SYN3: variants seen among roughly 807,000 people sequenced by gnomAD.
SYN3 encodes the protein synapsin-3.
In SYN3, 35 loss-of-function variants were observed where a neutral mutation model predicts 65.8. The observed-to-expected ratio is 0.53, with a 90% CI of 0.41 to 0.70. The LOEUF (loss-of-function observed/expected upper bound fraction) is 0.70. Ranked by LOEUF, SYN3 falls within the 30% of genes least tolerant of loss-of-function variation. The pLI is 0.00. For synonymous variants in SYN3, 270 were observed against 292.9 expected (o/e 0.92, Z 0.80); for missense variants, 680 against 749.0 (o/e 0.91, Z 1.08).
chr22:32,944,549 T>C (rs1490957523), intron 3 of SYN3, among the ~76,000 whole-genome samples: 1 of 152,132 alleles, frequency 6.6e-6, no homozygotes, highest in Non-Finnish European at 1.5e-5. Flanking sequence ...TATCTCAAAA[T>C]AATAAGAGCT....
At chr22:32,630,174 G>A (rs1302780572) in intron 6 of SYN3, among the ~76,000 whole-genome samples, 1 of 151,906 alleles carries the variant, frequency 6.6e-6, no homozygotes, top group Non-Finnish European at 1.5e-5. Context: ...AGTAGAGACG[G>A]GGTTTCACCA....
intron 1 of SYN3, among the ~76,000 whole-genome samples, chr22:33,050,842 C>T (rs2054153620): frequency 6.6e-6 from 1 of 152,210 alleles, no homozygotes; most frequent in African/African-American, 2.4e-5. Flanking sequence ...TTGATTTGCA[C>T]ATCTGCAGAG....
intron 6 of SYN3, among the ~76,000 whole-genome samples, chr22:32,615,811 G>A (rs1366381126): frequency 2.0e-5 from 3 of 152,222 alleles, no homozygotes; most frequent in Non-Finnish European, 2.9e-5. Flanking sequence ...TTTGGGGCTC[G>A]TTCACAGCAC....
intron 6 of SYN3, among the ~76,000 whole-genome samples, chr22:32,663,459 C>T (rs781132771): frequency 2.5e-4 from 38 of 152,124 alleles, no homozygotes; most frequent in African/African-American, 1.4e-4. Flanking sequence ...CCACCACGCC[C>T]GGCTAATTTT....
intron 6 of SYN3, among the ~76,000 whole-genome samples, chr22:32,833,273 G>A (rs1411190881): frequency 6.6e-6 from 1 of 152,178 alleles, no homozygotes; most frequent in African/African-American, 2.4e-5. Flanking sequence ...GTCATAAGCA[G>A]GGAGAGACCA....
intron 4 of SYN3, among the ~76,000 whole-genome samples, chr22:32,920,243 C>T (rs545894416): frequency 6.6e-6 from 1 of 152,330 alleles, no homozygotes; most frequent in African/African-American, 2.4e-5. Flanking sequence ...GTCTCATTAA[C>T]GTCTGCCTCC....
intron 6 of SYN3, among the ~76,000 whole-genome samples, chr22:32,732,252 A>C (rs2061280688): frequency 2.6e-5 from 4 of 152,220 alleles, no homozygotes; most frequent in African/African-American, 9.6e-5. Flanking sequence ...CTTCATCCCC[A>C]GCACTTAGGA....
At chr22:32,715,636 C>T (rs141144549) in intron 6 of SYN3, among the ~76,000 whole-genome samples, 96 of 151,976 alleles carry the variant, frequency 6.3e-4, no homozygotes, top group African/African-American at 2.1e-3. Context: ...AAATATTAGC[C>T]AAGCATGGTG....
At chr22:32,643,259 T>C (rs1186638355) in intron 6 of SYN3, among the ~76,000 whole-genome samples, 1 of 152,038 alleles carries the variant, frequency 6.6e-6, no homozygotes. Context: ...TTTGTATTTT[T>C]AGTAGAGATG....
intron 6 of SYN3, among the ~76,000 whole-genome samples, chr22:32,692,863 G>A (rs2060684677): frequency 6.6e-6 from 1 of 152,144 alleles, no homozygotes; most frequent in Admixed American, 6.6e-5. Context: ...TCGGCATAAA[G>A]TGAAGAACAG....
At chr22:32,988,288 A>G (rs370879773) in intron 2 of SYN3, among the ~76,000 whole-genome samples, 3 of 148,830 alleles carry the variant, frequency 2.0e-5, no homozygotes, top group Admixed American at 6.9e-5. Flanking sequence ...GTCTGGCAAC[A>G]GAGCAAGACT....
intron 3 of SYN3, among the ~76,000 whole-genome samples, chr22:32,944,374 C>A (rs2051038294): frequency 6.6e-6 from 1 of 152,174 alleles, no homozygotes; most frequent in South Asian, 2.1e-4. Context: ...TCCCTGGTTG[C>A]AAGGCTGGTT....
chr22:32,761,367 C>A (rs1212511509), intron 6 of SYN3, among the ~76,000 whole-genome samples: 2 of 152,156 alleles, frequency 1.3e-5, no homozygotes, highest in Non-Finnish European at 2.9e-5. Context: ...CCGATAGAAG[C>A]CATGCGCGTG....
chr22:32,674,049 G>A (rs993064584), intron 6 of SYN3, among the ~76,000 whole-genome samples: 1 of 152,126 alleles, frequency 6.6e-6, no homozygotes, highest in South Asian at 2.1e-4. Flanking sequence ...GAGATGGCAA[G>A]GGTGAGAGTG....
At chr22:32,573,682 C>A (rs2710353) in intron 7 of SYN3, among the ~76,000 whole-genome samples, 2,957 of 151,510 alleles carry the variant, frequency 0.02, 96 homozygotes, top group African/African-American at 0.068. Flanking sequence ...GAGGACACAG[C>A]AGCCCCCGAG....
intron 6 of SYN3, among the ~76,000 whole-genome samples, chr22:32,693,316 T>C (rs12159474): frequency 0.033 from 4,998 of 152,268 alleles, 257 homozygotes; most frequent in African/African-American, 0.11. Context: ...AGGCAGGTAG[T>C]GTAGAGAGCG....
At chr22:32,993,502 C>T (rs1479592528) in intron 2 of SYN3, among the ~76,000 whole-genome samples, 18 of 152,152 alleles carry the variant, frequency 1.2e-4, no homozygotes, top group African/African-American at 3.6e-4. Flanking sequence ...GCCGCCACCA[C>T]GCCCTGCTAA....
intron 6 of SYN3, among the ~76,000 whole-genome samples, chr22:32,650,475 C>T (rs190094508): frequency 1.3e-4 from 20 of 151,970 alleles, no homozygotes; most frequent in East Asian, 1.9e-4. Flanking sequence ...CATGTTGCCC[C>T]GGCTGGTCTC....
At chr22:32,980,518 G>A in intron 3 of SYN3, 127 bp downstream of exon 3, 1 of 851,322 alleles carries the variant, frequency 1.2e-6, no homozygotes, top group Non-Finnish European at 1.9e-6. Flanking sequence ...CCAAGTATAA[G>A]CTTGGACTTT....
Sources: gnomAD v4.1 joint callset for allele counts (sites outside exome capture counted in the v4.1 genomes callset) on GRCh38, gnomAD v4.1.1 for gene constraint, MANE v1.5 for transcripts, NCBI Gene and HGNC (gene_info 2026-07-23, HGNC 2026-07-21) for gene names.